Variants in AGO2 observed in about 807,000 individuals in gnomAD.
The protein encoded by AGO2 is protein argonaute-2.
In AGO2, 5 loss-of-function variants were observed where a neutral mutation model predicts 102.3. The observed-to-expected ratio is 0.05, with a 90% CI of 0.03 to 0.10. The LOEUF (loss-of-function observed/expected upper bound fraction) is 0.10. AGO2 is among the 10% of genes least tolerant of loss of function. The pLI is 1.00. For missense variants in AGO2, 541 were observed against 1,183.7 expected (o/e 0.46, Z 7.97); for synonymous variants, 449 against 473.1 (o/e 0.95, Z 0.66).
intron 1 of AGO2, among the ~76,000 whole-genome samples, chr8:140,587,631 G>C (rs1256569320): frequency 6.6e-6 from 1 of 152,238 alleles, no homozygotes; most frequent in African/African-American, 2.4e-5. Context: ...TGACAAGAAG[G>C]GCACTGGATG....
rs142826816 is a variant in AGO2 at position 140,539,007 on chromosome 8, G to A, written c.2169+313C>T. Among the ~76,000 whole-genome samples, 14 of 152,316 alleles carry A rather than the reference G, an allele frequency of 9.2e-5. No individual in the cohort carries two copies. The East Asian group carries it at 2.5e-3, about 27-fold the overall frequency. On this transcript the variant is annotated intron_variant, in intron 16 of 18. Transcript: ENST00000220592. This position sits in a 1 kb window ranked among gnomAD's most constrained non-coding sequence, Gnocchi z 4.7. ...AGTCCTAGCTACCAGGGAGGCTGACGTGGGAAGATCACTTGAGCCCAGGAG... is the reference window on the plus strand; with the variant it reads ...AGTCCTAGCTACCAGGGAGGCTGACATGGGAAGATCACTTGAGCCCAGGAG...
chr8:140,573,221 G>A lies in AGO2; in HGVS notation c.216-289C>T, dbSNP rs192960185. ...TTTCGCTCTTGTTGCCCGGGCTGGA[G>A]TGCAGTGGCACGATCTTGGCTCACT... On this transcript the variant is annotated intron_variant, in intron 2 of 18. Transcript: ENST00000220592. 5.9e-5 allele frequency among the ~76,000 whole-genome samples: 9 copies of A among 152,114 alleles called. No individual in the cohort carries two copies. The East Asian group carries it at 1.5e-3, about 26-fold the overall frequency.
In AGO2 at chr8:140,556,171, T is replaced by A; in HGVS notation, c.1142A>T (p.Lys381Ile). Residue 381 changes from lysine to isoleucine, a missense_variant, in exon 9 of 19, where the codon AAA (lysine) becomes ATA (isoleucine). By Grantham distance (102) the Lys-to-Ile change is moderately radical. Coordinates refer to ENST00000220592, the MANE Select transcript of AGO2 (RefSeq NM_012154.5). ...CTGCCCGGGACTGACACTCACCAAT[T>A]TGCTAATCTCTTCTTGCCGATCGGG... ...SAPDRQEEIS[K>I]LMRSASFNTD... 1 of 1,614,208 alleles carries A rather than the reference T, an allele frequency of 6.2e-7. No individual in the cohort carries two copies. Among genetic ancestry groups the A allele is most frequent in the Non-Finnish European group, 8.5e-7 (1 of 1,180,036 alleles).
intron 1 of AGO2, among the ~76,000 whole-genome samples, chr8:140,594,669 T>C (rs955407294): frequency 6.6e-6 from 1 of 152,042 alleles, no homozygotes; most frequent in Non-Finnish European, 1.5e-5. Flanking sequence ...TAGCCAGTCA[T>C]GGTGGCATGC....
intron 1 of AGO2, among the ~76,000 whole-genome samples, chr8:140,604,872 T>G (rs1039302650): frequency 2.6e-5 from 4 of 151,970 alleles, no homozygotes; most frequent in African/African-American, 9.7e-5. Flanking sequence ...AACCCGTGAC[T>G]GTATTTGGTG....
At position 140,557,514 on chromosome 8, in the gene AGO2, C is replaced by T. The variant is rs183019618; in HGVS notation, c.879-278G>A. 3.7e-4 allele frequency among the ~76,000 whole-genome samples: 56 copies of T among 152,340 alleles called. No individual in the cohort carries two copies. Among genetic ancestry groups the T allele is most frequent in the African/African-American group, 1.3e-3 (53 of 41,566 alleles). On this transcript the variant is annotated intron_variant, in intron 7 of 18. Coordinates refer to ENST00000220592, the MANE Select transcript of AGO2 (RefSeq NM_012154.5). The surrounding 1 kb of genome is among the most constrained non-coding windows in gnomAD (Gnocchi z 5.9). ...CACAGTGTGTGTAAAGGAGTCAGGA[C>T]GAATGGGCACGACCAGAAAGGCCTG...
chr8:140,616,564 A>T (rs971019730), intron 1 of AGO2, among the ~76,000 whole-genome samples: 3 of 152,256 alleles, frequency 2.0e-5, no homozygotes, highest in Admixed American at 6.5e-5. Flanking sequence ...TCTGATGGTT[A>T]TGATACATAA....
At chr8:140,606,456 C>T (rs571360501) in intron 1 of AGO2, among the ~76,000 whole-genome samples, 1 of 152,322 alleles carries the variant, frequency 6.6e-6, no homozygotes, top group African/African-American at 2.4e-5. Context: ...ACCTGATGTA[C>T]TTTGTTTTGC....
intron 3 of AGO2, among the ~76,000 whole-genome samples, chr8:140,563,164 C>A (rs1439140793): frequency 6.6e-6 from 1 of 152,176 alleles, no homozygotes; most frequent in Non-Finnish European, 1.5e-5. Flanking sequence ...CTGAGGAACA[C>A]CGATGTGACA....
rs975237154 is a variant in AGO2, at chr8:140,523,514, C to T, written c.*8530G>A. ...AAGAAAAAGCTGGATTTAGATACTA[C>T]ATTCTTTTCCTGTATTTAATGAGTA... On this transcript the variant is annotated 3_prime_UTR_variant, in exon 19 of 19. Transcript: ENST00000220592. 9 of 152,120 alleles carry T rather than the reference C, an allele frequency of 5.9e-5. No individual in the cohort carries two copies. Among genetic ancestry groups the T allele is most frequent in the African/African-American group, 2.2e-4 (9 of 41,430 alleles). 9.4% of individuals were successfully genotyped at this position (152,120 alleles called of 1,614,324 possible).
chr8:140,547,324 C>T, intron 13 of AGO2, 144 bp downstream of exon 13: 8 of 1,056,144 alleles, frequency 7.6e-6, no homozygotes, highest in Non-Finnish European at 1.1e-5. Context: ...CTATGTCTGA[C>T]ATCTTTGCTC....
intron 11 of AGO2, 74 bp from the exon 12 acceptor site, chr8:140,549,372 A>T: frequency 6.9e-7 from 1 of 1,441,092 alleles, no homozygotes; most frequent in South Asian, 1.4e-5. Flanking sequence ...AGGCTCTAAC[A>T]CAAGGGCGTC....
At chr8:140,625,921 G>A (rs944818049) in intron 1 of AGO2, among the ~76,000 whole-genome samples, 16 of 152,248 alleles carry the variant, frequency 1.1e-4, no homozygotes, top group South Asian at 2.1e-4. Context: ...TAATGTGACC[G>A]TTCTTACAGT....
rs553607405 is a variant in AGO2 at position 140,590,413 on chromosome 8, G to A, written c.23-5102C>T. Among the ~76,000 whole-genome samples the A allele has an allele frequency of 5.9e-5, 9 of 152,126 alleles. No individual in the cohort carries two copies. In the South Asian group the frequency reaches 1.9e-3, roughly 32 times the overall value. ...GCCCAAACACGGACGCCGAGGAAGC[G>A]GAGGCACAGATGGGGGTCCCAGGTC... On this transcript the variant is annotated intron_variant, in intron 1 of 18. Coordinates refer to ENST00000220592, the MANE Select transcript of AGO2 (RefSeq NM_012154.5).
chr8:140,601,645 T>C (rs1382248453), intron 1 of AGO2, among the ~76,000 whole-genome samples: 4 of 152,240 alleles, frequency 2.6e-5, no homozygotes, highest in African/African-American at 9.6e-5. Context: ...CAACAGAGCA[T>C]GTGTCTGCCA....
intron 1 of AGO2, among the ~76,000 whole-genome samples, chr8:140,585,706 T>A (rs2073645669): frequency 6.6e-6 from 1 of 152,148 alleles, no homozygotes; most frequent in African/African-American, 2.4e-5. Flanking sequence ...AGAAACTTCA[T>A]CCCAACTCAA....
intron 1 of AGO2, among the ~76,000 whole-genome samples, chr8:140,617,733 G>T (rs1040776384): frequency 1.3e-5 from 2 of 152,174 alleles, no homozygotes; most frequent in African/African-American, 4.8e-5. Flanking sequence ...AAAATTGTTG[G>T]ATGCTGGGCA....
intron 11 of AGO2, among the ~76,000 whole-genome samples, chr8:140,550,756 A>G (rs565557836): frequency 1.3e-4 from 20 of 152,224 alleles, no homozygotes; most frequent in Middle Eastern, 6.8e-3. Flanking sequence ...AGCTGGGACT[A>G]CAGGTGCACC....
In AGO2 at chr8:140,595,861, ATACAATTG is replaced by A. The variant is rs1411114175; in HGVS notation, c.23-10558_23-10551del. On this transcript the variant is annotated intron_variant, in intron 1 of 18. Transcript: ENST00000220592. ...ATTGTATATATTATATTTATATTATATACAATTGTATATTATATAATATATAATTATAT... is the reference window on the plus strand; with the variant it reads ...ATTGTATATATTATATTTATATTATATATATTATATAATATATAATTATAT... 1.2e-3 allele frequency among the ~76,000 whole-genome samples: 32 copies of A among 27,206 alleles called. 1 individual carries two copies. Among genetic ancestry groups the A allele is most frequent in the Non-Finnish European group, 1.3e-3 (20 of 14,986 alleles). 17.8% of individuals were successfully genotyped at this position (27,206 alleles called of 152,430 possible). A position where few individuals can be genotyped will look rare whatever the true frequency, so the allele number is the denominator to read the frequency against.
Sources: gnomAD v4.1 joint callset for allele counts (sites outside exome capture counted in the v4.1 genomes callset) on GRCh38, gnomAD v4.1.1 for gene constraint, Gnocchi (gnomAD v3.1) non-coding constraint, MANE v1.5 for transcripts, NCBI Gene and HGNC (gene_info 2026-07-23, HGNC 2026-07-21) for gene names.